ASB3: variants seen among roughly 807,000 people sequenced by gnomAD.
ASB3 encodes the protein ankyrin repeat and SOCS box containing 3, also known as ankyrin repeat and SOCS box protein 3.
In ASB3, 41 loss-of-function variants were observed where a neutral mutation model predicts 54.5. The ratio of observed to expected loss-of-function variants is 0.75; its 90% confidence interval spans 0.59 to 0.98. ASB3 has a LOEUF of 0.98. Among genes scored for constraint, ASB3 ranks in the 50% least tolerant of loss-of-function variants. The probability of loss-of-function intolerance (pLI) is 0.00; values close to 1 mark genes in which losing one functional copy is unlikely to be tolerated. For synonymous variants in ASB3, 266 were observed against 221.2 expected (o/e 1.20, Z -1.80); for missense variants, 733 against 620.0 (o/e 1.18, Z -1.94).
In ASB3 at chr2:53,786,871, C is replaced by A; in HGVS notation, c.-64G>T. On this transcript the variant is annotated 5_prime_UTR_variant, in exon 1 of 10. Coordinates refer to ENST00000263634, the MANE Select transcript of ASB3 (RefSeq NM_016115.5). ...AAATGGCTGGTCCGAGGCCGCGTCT[C>A]CAGAGCTGCGTCCCAGAAGCCCCCG... 1 of 283,074 alleles carries A rather than the reference C, an allele frequency of 3.5e-6. No individual in the cohort carries two copies. Among genetic ancestry groups the A allele is most frequent in the African/African-American group, 2.2e-5 (1 of 45,932 alleles). The allele number at this position is 283,074 out of a possible 1,614,324, so 17.5% of individuals were successfully genotyped here.
At chr2:53,739,496 T>A (rs1336907638) in intron 3 of ASB3, among the ~76,000 whole-genome samples, 4 of 152,244 alleles carry the variant, frequency 2.6e-5, no homozygotes, top group Admixed American at 1.3e-4. Flanking sequence ...GGACATTTTT[T>A]AAATGTAATT....
intron 1 of ASB3, among the ~76,000 whole-genome samples, chr2:53,782,087 G>A (rs1437730032): frequency 3.3e-5 from 5 of 152,132 alleles, no homozygotes; most frequent in Admixed American, 2.0e-4. Context: ...GGTGATGGGA[G>A]GATCGCTTGA....
intron 3 of ASB3, among the ~76,000 whole-genome samples, chr2:53,744,173 T>C (rs899290598): frequency 6.6e-6 from 1 of 150,996 alleles, no homozygotes; most frequent in Non-Finnish European, 1.5e-5. Flanking sequence ...TCAGGAGATC[T>C]AGACCATCCT....
Position 53,754,754 on chromosome 2 carries a change from T to C in ASB3, c.197-3813A>G, listed in dbSNP as rs551199254. Reference sequence around the variant, plus strand: ...GAATTAGGTATATAGTCTGAATTTTTGTAAAATACAAATGCAGATAGATAT... The same window carrying C: ...GAATTAGGTATATAGTCTGAATTTTCGTAAAATACAAATGCAGATAGATAT... On this transcript the variant is annotated intron_variant, in intron 2 of 9. Coordinates refer to ENST00000263634, the MANE Select transcript of ASB3 (RefSeq NM_016115.5). Among the ~76,000 whole-genome samples, 17 of 152,332 alleles carry C rather than the reference T, an allele frequency of 1.1e-4. No homozygotes were observed. The South Asian group carries it at 3.1e-3, about 28-fold the overall frequency.
chr2:53,677,495 T>TA (rs1403162518), intron 9 of ASB3, among the ~76,000 whole-genome samples: 19 of 149,918 alleles, frequency 1.3e-4, no homozygotes, highest in South Asian at 4.2e-4. Flanking sequence ...AGGTTTTTTT[T>TA]AAAAAAAAAC....
chr2:53,722,729 C>G (rs1327438902), intron 5 of ASB3, among the ~76,000 whole-genome samples: 1 of 152,084 alleles, frequency 6.6e-6, no homozygotes, highest in Non-Finnish European at 1.5e-5. Flanking sequence ...CCACAGCCAA[C>G]ATCATACTGA....
intron 2 of ASB3, among the ~76,000 whole-genome samples, chr2:53,757,281 C>G (rs1381246328): frequency 6.6e-6 from 1 of 152,228 alleles, no homozygotes; most frequent in African/African-American, 2.4e-5. Flanking sequence ...AAAGGGCTTT[C>G]TAACAACGTC....
At chr2:53,755,404 C>A (rs189042774) in intron 2 of ASB3, among the ~76,000 whole-genome samples, 2 of 152,214 alleles carry the variant, frequency 1.3e-5, no homozygotes, top group East Asian at 3.9e-4. Flanking sequence ...TTTTTGTTTT[C>A]TGCAAACTCT....
At chr2:53,722,881 G>A (rs1162837553) in intron 5 of ASB3, among the ~76,000 whole-genome samples, 1 of 152,018 alleles carries the variant, frequency 6.6e-6, no homozygotes. Flanking sequence ...ATCCAAATAG[G>A]AAAAGAAGAA....
intron 3 of ASB3, among the ~76,000 whole-genome samples, chr2:53,731,697 G>A (rs1572927028): frequency 6.6e-6 from 1 of 152,188 alleles, no homozygotes; most frequent in African/African-American, 2.4e-5. Context: ...CTGTCGCCCA[G>A]GCTGGAATGC....
At chr2:53,775,959 AC>A (rs1283244886) in intron 1 of ASB3, among the ~76,000 whole-genome samples, 7 of 152,216 alleles carry the variant, frequency 4.6e-5, no homozygotes, top group African/African-American at 1.7e-4. Flanking sequence ...CAAGTTATTA[AC>A]TCACATAGAA....
intron 2 of ASB3, among the ~76,000 whole-genome samples, chr2:53,754,606 G>C (rs1672713013): frequency 6.6e-6 from 1 of 152,200 alleles, no homozygotes. Context: ...CTGCAACTTT[G>C]ACTCTGCTAG....
At chr2:53,767,852 G>A (rs751145731) in intron 1 of ASB3, 15 of 1,582,700 alleles carry the variant, frequency 9.5e-6, no homozygotes, top group Non-Finnish European at 1.2e-5. Context: ...GACAGCTAGG[G>A]TTCACGGCCA....
At position 53,716,678 on chromosome 2, in the gene ASB3, G is replaced by C; in HGVS notation, c.670C>G (p.His224Asp). The change falls in exon 6 of 10, where the codon CAC becomes GAC. Residue 224 changes from histidine to aspartate, a missense_variant. Coordinates refer to ENST00000263634, the MANE Select transcript of ASB3 (RefSeq NM_016115.5). ...AGCAAAAGCTCCACACATTTTGTGT[G>C]TCCCTCTTGAGCAGCAATGAACAAG... The part of the protein sequence containing the change: ...TPLFIAAQEG[H>D]TKCVELLLSS... The C allele has an allele frequency of 6.2e-7, 1 of 1,614,114 alleles. No homozygotes were observed. The highest frequency in any genetic ancestry group is 8.5e-7 in the Non-Finnish European group (1 of 1,180,016).
At chr2:53,762,193 G>GTA (rs371623942) in intron 2 of ASB3, among the ~76,000 whole-genome samples, 1 of 150,898 alleles carries the variant, frequency 6.6e-6, no homozygotes, top group Non-Finnish European at 1.5e-5. Context: ...GTGTGTGTGT[G>GTA]TATACATACA....
At chr2:53,772,845 T>C (rs995332161) in intron 1 of ASB3, among the ~76,000 whole-genome samples, 8 of 152,132 alleles carry the variant, frequency 5.3e-5, no homozygotes, top group African/African-American at 1.9e-4. Context: ...TAGTTATTTT[T>C]CTAGATCCTC....
chr2:53,774,682 G>C, intron 1 of ASB3: 1 of 554,722 alleles, frequency 1.8e-6, no homozygotes, highest in Non-Finnish European at 2.9e-6. Context: ...TTGGGATACA[G>C]TGAAAGAAAA....
chr2:53,733,188 T>TA (rs1359645680), intron 3 of ASB3, among the ~76,000 whole-genome samples: 1 of 152,140 alleles, frequency 6.6e-6, no homozygotes, highest in South Asian at 2.1e-4. Flanking sequence ...TATCAAAGTA[T>TA]AAAAAAGAGT....
chr2:53,697,716 A>C (rs1019032781), intron 8 of ASB3, among the ~76,000 whole-genome samples: 2 of 152,216 alleles, frequency 1.3e-5, no homozygotes, highest in African/African-American at 4.8e-5. Context: ...AATAGGACCC[A>C]AGTAAGTCCA....
Sources: allele counts gnomAD v4.1 joint callset (sites outside exome capture counted in the v4.1 genomes callset), GRCh38; gene constraint gnomAD v4.1.1; transcripts MANE v1.5; gene names NCBI Gene and HGNC (gene_info 2026-07-23, HGNC 2026-07-21).